SLC28A3: variants seen among roughly 807,000 people sequenced by gnomAD.
SLC28A3 encodes solute carrier family 28 member 3.
SLC28A3 carries 68 observed loss-of-function variants against 84.2 expected under a neutral mutation model. The observed-to-expected ratio is 0.81, with a 90% CI of 0.66 to 0.99. The LOEUF (loss-of-function observed/expected upper bound fraction) is 0.99, where lower values mean the gene tolerates loss of function less well. Among genes scored for constraint, SLC28A3 ranks in the 50% least tolerant of loss-of-function variants. SLC28A3 has a pLI of 0.00. For missense variants in SLC28A3, 712 were observed against 841.5 expected (o/e 0.85, Z 1.90); for synonymous variants, 267 against 303.6 (o/e 0.88, Z 1.25).
At chr9:84,366,808 C>T in the SLC28A3 span, among the ~76,000 whole-genome samples, 4 of 152,220 alleles carry the variant, frequency 2.6e-5, no homozygotes, top group Non-Finnish European at 4.4e-5. Context: ...TCTGTGGCCA[C>T]CACCACTGTG....
chr9:84,308,136 G>A (rs1056340780), intron 3 of SLC28A3, among the ~76,000 whole-genome samples: 1 of 152,140 alleles, frequency 6.6e-6, no homozygotes, highest in Non-Finnish European at 1.5e-5. Context: ...AGCTACTTGC[G>A]AGGCTGAGGT....
intron 10 of SLC28A3, among the ~76,000 whole-genome samples, chr9:84,291,389 T>G (rs1825214945): frequency 6.6e-6 from 1 of 152,126 alleles, no homozygotes; most frequent in Admixed American, 6.5e-5. Context: ...CAGGCTGGAG[T>G]GCAATGGCAT....
chr9:84,301,905 T>C (rs1825648660), intron 5 of SLC28A3, among the ~76,000 whole-genome samples: 1 of 152,206 alleles, frequency 6.6e-6, no homozygotes, highest in Non-Finnish European at 1.5e-5. Flanking sequence ...CTTCCTAATA[T>C]AGCACATGGA....
chr9:84,348,857 T>C, the SLC28A3 span, among the ~76,000 whole-genome samples: 1 of 152,158 alleles, frequency 6.6e-6, no homozygotes, highest in East Asian at 1.9e-4. Context: ...CAGCGGCTAG[T>C]GCCATGCTCT....
upstream of SLC28A3, among the ~76,000 whole-genome samples, chr9:84,342,495 C>G (rs1827184068): frequency 6.6e-6 from 1 of 152,024 alleles, no homozygotes; most frequent in East Asian, 1.9e-4. Flanking sequence ...TTGCTGCAAC[C>G]TTGACCTCCT....
upstream of SLC28A3, among the ~76,000 whole-genome samples, chr9:84,344,076 A>G (rs528756776): frequency 2.6e-5 from 4 of 152,054 alleles, no homozygotes; most frequent in African/African-American, 7.2e-5. Flanking sequence ...TAAAACGGAG[A>G]TAACAGTACC....
the SLC28A3 span, among the ~76,000 whole-genome samples, chr9:84,367,783 A>G: frequency 6.6e-6 from 1 of 152,164 alleles, no homozygotes; most frequent in African/African-American, 2.4e-5. Flanking sequence ...GGCTAGATTT[A>G]TGTTTCTCTT....
intron 1 of SLC28A3, among the ~76,000 whole-genome samples, chr9:84,325,217 G>A (rs1379516727): frequency 6.6e-6 from 1 of 151,422 alleles, no homozygotes; most frequent in African/African-American, 2.4e-5. Context: ...TTTTAATGGA[G>A]TCCTGTCTTG....
intron 1 of SLC28A3, 95 bp downstream of exon 1, chr9:84,340,479 A>G: frequency 7.7e-7 from 1 of 1,303,430 alleles, no homozygotes; most frequent in South Asian, 1.2e-5. Flanking sequence ...TTGTCCTGAT[A>G]ATCTCCCTGC....
Position 84,309,664 on chromosome 9 carries a change from G to GTGTT in SLC28A3, c.203_206dup (p.His69GlnfsTer6). The GTGTT allele has an allele frequency of 6.2e-7, 1 of 1,613,100 alleles. No individual in the cohort carries two copies. The highest frequency in any genetic ancestry group is 8.5e-7 in the Non-Finnish European group (1 of 1,179,814). On this transcript the variant is annotated frameshift_variant, in exon 3 of 18. Coordinates refer to ENST00000376238, the MANE Select transcript of SLC28A3 (RefSeq NM_001199633.2). LOFTEE classifies it high-confidence loss of function. ...GCATCTCCTCATCATCATCCTCCAT[G>GTGTT]TGTTCTCTGTTTCTTGGAGAATCCT...
chr9:84,307,435 A>AC (rs1825835033), intron 3 of SLC28A3, among the ~76,000 whole-genome samples: 2 of 147,748 alleles, frequency 1.4e-5, no homozygotes, highest in South Asian at 2.2e-4. Context: ...CATCTCAAAA[A>AC]AAAAAAAAAA....
chr9:84,355,788 T>C, the SLC28A3 span, among the ~76,000 whole-genome samples: 8 of 151,860 alleles, frequency 5.3e-5, no homozygotes, highest in Non-Finnish European at 7.4e-5. Context: ...ATTATCATTG[T>C]AAGTGCCCTA....
In SLC28A3 at chr9:84,302,114, A is replaced by G. The variant is rs1825654176; in HGVS notation, c.524+86T>C. 2.3e-6 allele frequency: 3 copies of G among 1,319,524 alleles called. No individual in the cohort carries two copies. The East Asian group carries it at 7.0e-5, about 31-fold the overall frequency. 81.7% of individuals were successfully genotyped at this position (1,319,524 alleles called of 1,614,324 possible). A position where few individuals can be genotyped will look rare whatever the true frequency, so the allele number is the denominator to read the frequency against. On this transcript the variant is annotated intron_variant, in intron 5 of 17. Coordinates refer to ENST00000376238, the MANE Select transcript of SLC28A3 (RefSeq NM_001199633.2). ...TAGCTTCCATATCCCATAAATGAGGAAGCAATTTCAGAACAAATTTTTGAA... is the reference window on the plus strand; with the variant it reads ...TAGCTTCCATATCCCATAAATGAGGGAGCAATTTCAGAACAAATTTTTGAA...
intron 4 of SLC28A3, among the ~76,000 whole-genome samples, chr9:84,303,545 C>G (rs1360893489): frequency 6.6e-6 from 1 of 152,156 alleles, no homozygotes; most frequent in African/African-American, 2.4e-5. Context: ...GTCTTGAACT[C>G]TTGACCTCAG....
intron 1 of SLC28A3, among the ~76,000 whole-genome samples, chr9:84,315,507 C>T (rs1564167469): frequency 6.6e-6 from 1 of 152,006 alleles, no homozygotes; most frequent in African/African-American, 2.4e-5. Flanking sequence ...GTGGATCCTA[C>T]GTTTTTAAAG....
At chr9:84,302,502 C>T in intron 4 of SLC28A3, 113 bp from the exon 5 acceptor site, 1 of 997,512 alleles carries the variant, frequency 1.0e-6, no homozygotes, top group Non-Finnish European at 1.5e-6. Flanking sequence ...TTAAATATCA[C>T]TGAATGCAGG....
At chr9:84,294,561 G>A (rs957590175) in intron 8 of SLC28A3, among the ~76,000 whole-genome samples, 9 of 152,224 alleles carry the variant, frequency 5.9e-5, no homozygotes, top group African/African-American at 2.2e-4. Flanking sequence ...ACTGAAGGCT[G>A]TCAGAAAATA....
chr9:84,354,185 T>A, the SLC28A3 span, among the ~76,000 whole-genome samples: 1 of 152,234 alleles, frequency 6.6e-6, no homozygotes, highest in African/African-American at 2.4e-5. Context: ...TCTTTCTCTT[T>A]GCTCAGATCT....
intron 14 of SLC28A3, among the ~76,000 whole-genome samples, chr9:84,284,481 T>A (rs1475711619): frequency 1.3e-5 from 2 of 152,182 alleles, no homozygotes; most frequent in Non-Finnish European, 2.9e-5. Context: ...GTGAGCAGAC[T>A]CAGAACCTTA....
Sources: gnomAD v4.1 joint callset for allele counts (sites outside exome capture counted in the v4.1 genomes callset) on GRCh38, gnomAD v4.1.1 for gene constraint, MANE v1.5 for transcripts, NCBI Gene and HGNC (gene_info 2026-07-23, HGNC 2026-07-21) for gene names.